Variants in ZC3H3 observed in about 807,000 individuals in gnomAD.
The protein encoded by ZC3H3 is zinc finger CCCH-type containing 3.
In ZC3H3, 36 loss-of-function variants were observed where a neutral mutation model predicts 77.3. The ratio of observed to expected loss-of-function variants is 0.47; its 90% CI spans 0.36 to 0.61. ZC3H3 has a LOEUF of 0.61. Ranked by LOEUF, ZC3H3 falls within the 20% of genes least tolerant of loss-of-function variation. The pLI is 0.00. For missense variants in ZC3H3, 1,331 were observed against 1,312.2 expected, an observed-to-expected ratio of 1.01 and a Z score of -0.22; for synonymous variants, 626 against 555.2, an observed-to-expected ratio of 1.13 and a Z score of -1.79.
intron 4 of ZC3H3, among the ~76,000 whole-genome samples, chr8:143,496,139 C>T (rs750448951): frequency 3.9e-5 from 6 of 152,136 alleles, no homozygotes; most frequent in Non-Finnish European, 8.8e-5. Flanking sequence ...GGAATGAGGG[C>T]AGGCTGAGTA....
chr8:143,532,659 G>A (rs887570497), intron 3 of ZC3H3, among the ~76,000 whole-genome samples: 2 of 152,254 alleles, frequency 1.3e-5, no homozygotes, highest in Admixed American at 6.5e-5. Flanking sequence ...GCACTGCAGC[G>A]TTCAACGAAA....
chr8:143,461,818 A>T (rs1440116909), intron 9 of ZC3H3, among the ~76,000 whole-genome samples: 1 of 151,946 alleles, frequency 6.6e-6, no homozygotes, highest in African/African-American at 2.4e-5. Flanking sequence ...GCCGGGACTG[A>T]TGATGAAAAG....
chr8:143,541,044 T>A (rs930621508), intron 1 of ZC3H3, among the ~76,000 whole-genome samples: 5 of 152,170 alleles, frequency 3.3e-5, no homozygotes, highest in Non-Finnish European at 7.4e-5. Context: ...AGCCCCGCAG[T>A]GGGGCGCGGG....
intron 3 of ZC3H3, among the ~76,000 whole-genome samples, chr8:143,514,905 G>A (rs982995996): frequency 3.3e-5 from 5 of 152,212 alleles, no homozygotes; most frequent in Admixed American, 6.5e-5. Context: ...TCCCTGTCAG[G>A]CCCATGTGCG....
At chr8:143,449,688 A>C (rs79957778) in intron 9 of ZC3H3, among the ~76,000 whole-genome samples, 27,189 of 152,108 alleles carry the variant, frequency 0.18, 3,089 homozygotes, top group East Asian at 0.42. Flanking sequence ...CAGTGAGCTG[A>C]GATTGCGCCA....
chr8:143,507,687 G>A lies in ZC3H3; in HGVS notation c.1715+59C>T, dbSNP rs1821743834. 13 of 1,459,124 alleles carry A rather than the reference G, an allele frequency of 8.9e-6. 1 individual carries two copies. The highest frequency in any genetic ancestry group is 2.5e-4 in the Middle Eastern group (1 of 4,054). The allele number at this position is 1,459,124 out of a possible 1,614,324, so 90.4% of individuals were successfully genotyped here. A position where few individuals can be genotyped will look rare whatever the true frequency, so the allele number is the denominator to read the frequency against. On this transcript the variant is annotated intron_variant, in intron 4 of 11. Coordinates refer to ENST00000262577, the MANE Select transcript of ZC3H3 (RefSeq NM_015117.3). ...CTTGGATTCTACCCTGCAGCCCTCA[G>A]GGCAGGGCCAGACAGCCCAGTTCCC...
At chr8:143,513,174 C>T (rs546126030) in intron 3 of ZC3H3, among the ~76,000 whole-genome samples, 26 of 152,280 alleles carry the variant, frequency 1.7e-4, no homozygotes, top group Admixed American at 9.8e-4. Context: ...CAGCTGGCTC[C>T]ACAGCCTCTG....
intron 4 of ZC3H3, chr8:143,484,468 C>T (rs1004146975): frequency 1.3e-5 from 2 of 155,744 alleles, no homozygotes; most frequent in Non-Finnish European, 2.9e-5. Flanking sequence ...CCTTTAAGAG[C>T]CTAATAAACA....
At chr8:143,511,904 T>G (rs1029546055) in intron 3 of ZC3H3, among the ~76,000 whole-genome samples, 2 of 152,220 alleles carry the variant, frequency 1.3e-5, no homozygotes, top group Admixed American at 1.3e-4. Flanking sequence ...TCATCCCAGC[T>G]GGGGAGCGGG....
Position 143,437,920 on chromosome 8 carries a change from G to T in ZC3H3, c.*136C>A. 1 of 1,233,056 alleles carries T rather than the reference G, an allele frequency of 8.1e-7. No homozygotes were observed. The highest frequency in any genetic ancestry group is 1.2e-6 in the Non-Finnish European group (1 of 864,504). The allele number at this position is 1,233,056 out of a possible 1,614,324, so 76.4% of individuals were successfully genotyped here. A position where few individuals can be genotyped will look rare whatever the true frequency, so the allele number is the denominator to read the frequency against. On this transcript the variant is annotated 3_prime_UTR_variant, in exon 12 of 12. Transcript: ENST00000262577. ...TCATGGAAGGTTGAGGGCCAGGCAGGCAGAGCAGTGTCCCTGTGGCCCCCA... is the reference window on the plus strand; with the variant it reads ...TCATGGAAGGTTGAGGGCCAGGCAGTCAGAGCAGTGTCCCTGTGGCCCCCA...
rs1351296586 is a variant in ZC3H3 at position 143,463,026 on chromosome 8, T to C, written c.2307+2691A>G. On this transcript the variant is annotated intron_variant, in intron 9 of 11. Coordinates refer to ENST00000262577, the MANE Select transcript of ZC3H3 (RefSeq NM_015117.3). ...GAGACAGAGTCTCACTCTTGTCACG[T>C]AGGCTGGAGTGCAGTGGCGCAATCT... Among the ~76,000 whole-genome samples the C allele has an allele frequency of 2.0e-5, 3 of 148,244 alleles. No homozygotes were observed. The Admixed American group carries it at 2.0e-4, about 10-fold the overall frequency.
chr8:143,465,764 C>T lies in ZC3H3; in HGVS notation c.2260G>A (p.Glu754Lys), dbSNP rs1820392059. 2 of 1,613,958 alleles carry T rather than the reference C, an allele frequency of 1.2e-6. No individual in the cohort carries two copies. Among genetic ancestry groups the T allele is most frequent in the Non-Finnish European group, 1.7e-6 (2 of 1,180,000 alleles). Residue 754 changes from glutamate to lysine, a missense_variant, in exon 9 of 12, where the codon GAG (glutamate) becomes AAG (lysine). Around this residue, in one of 3 missense-constraint regions of ZC3H3, gnomAD observed 104 missense variants for 159.7 expected, o/e 0.65. Transcript: ENST00000262577. ...CCTTTGAGGAAGTCGCTGCAGACCT[C>T]GGCCTTGCGGGACACGTACACGTGG... ...YSHVYVSRKA[E>K]VCSDFLKGYC...
At chr8:143,496,521 A>G (rs764234791) in intron 4 of ZC3H3, among the ~76,000 whole-genome samples, 1 of 152,214 alleles carries the variant, frequency 6.6e-6, no homozygotes, top group Non-Finnish European at 1.5e-5. Context: ...AGAGCAGATT[A>G]CAGCCTATCA....
At chr8:143,477,400 C>T (rs1385574970) in intron 4 of ZC3H3, among the ~76,000 whole-genome samples, 1 of 152,186 alleles carries the variant, frequency 6.6e-6, no homozygotes, top group African/African-American at 2.4e-5. Context: ...CTGCACACTC[C>T]AGCTGCTCCC....
intron 4 of ZC3H3, among the ~76,000 whole-genome samples, chr8:143,502,548 G>A (rs996407386): frequency 4.6e-5 from 7 of 152,180 alleles, no homozygotes; most frequent in Non-Finnish European, 7.3e-5. Context: ...CCAGTGAGAG[G>A]CAGCCTCGTG....
At chr8:143,503,083 T>C (rs1821574443) in intron 4 of ZC3H3, among the ~76,000 whole-genome samples, 1 of 152,216 alleles carries the variant, frequency 6.6e-6, no homozygotes, top group African/African-American at 2.4e-5. Context: ...CCCAGTCCCA[T>C]GCCTCAGCTT....
At chr8:143,514,812 G>A (rs1273014572) in intron 3 of ZC3H3, among the ~76,000 whole-genome samples, 4 of 152,224 alleles carry the variant, frequency 2.6e-5, no homozygotes, top group Admixed American at 1.3e-4. Flanking sequence ...GCATGGCCAC[G>A]CTCCAAGGCC....
intron 4 of ZC3H3, among the ~76,000 whole-genome samples, chr8:143,481,407 G>C (rs1820903680): frequency 6.6e-6 from 1 of 152,182 alleles, no homozygotes; most frequent in Admixed American, 6.5e-5. Context: ...GTGAGCCCCT[G>C]AGAACTCCGT....
chr8:143,537,998 C>T lies in ZC3H3; in HGVS notation c.1364+5G>A, dbSNP rs754503950. 10 of 1,592,242 alleles carry T rather than the reference C, an allele frequency of 6.3e-6. No individual in the cohort carries two copies. In the African/African-American group the frequency reaches 1.3e-4, roughly 21 times the overall value. ...CACTCTACCGCAGCCGGCCGGGATG[C>T]CCACCTTGTGCTGCTGCGTCTCCGG... On this transcript the variant is annotated splice_donor_5th_base_variant and intron_variant, in intron 2 of 11. Transcript: ENST00000262577.
Sources: allele counts gnomAD v4.1 joint callset (sites outside exome capture counted in the v4.1 genomes callset), GRCh38; gene constraint gnomAD v4.1.1; regional missense constraint gnomAD v4.1.1; transcripts MANE v1.5; gene names NCBI Gene and HGNC (gene_info 2026-07-23, HGNC 2026-07-21).